The following FAM81A variants were observed in gnomAD, a reference collection of about 807,000 sequenced individuals.
FAM81A encodes family with sequence similarity 81 member A, also known as protein FAM81A.
A neutral mutation model predicts 46.7 loss-of-function variants in FAM81A; 19 were observed. The ratio of observed to expected loss-of-function variants is 0.41; its 90% CI spans 0.28 to 0.60. The LOEUF is 0.60. Among genes scored for constraint, FAM81A ranks in the 20% least tolerant of loss-of-function variants. The pLI, the probability that FAM81A is intolerant of heterozygous loss-of-function variation, is 0.34. For synonymous variants in FAM81A, 183 were observed against 152.9 expected, an observed-to-expected ratio of 1.20 and a Z score of -1.45; for missense variants, 377 against 453.5, an observed-to-expected ratio of 0.83 and a Z score of 1.53.
intron 3 of FAM81A, among the ~76,000 whole-genome samples, chr15:59,489,979 TACA>T (rs1426670815): frequency 1.3e-5 from 2 of 152,098 alleles, no homozygotes; most frequent in East Asian, 1.9e-4. Flanking sequence ...ACAGAATCTG[TACA>T]ACAACACATT....
chr15:59,452,817 A>T (rs1342379616), intron 1 of FAM81A, among the ~76,000 whole-genome samples: 1 of 152,220 alleles, frequency 6.6e-6, no homozygotes, highest in Non-Finnish European at 1.5e-5. Context: ...GCTGGAGTAC[A>T]GTGGCATGAT....
At chr15:59,421,987 C>T (rs1215594628) in intron 2 of FAM81A, among the ~76,000 whole-genome samples, 1 of 152,032 alleles carries the variant, frequency 6.6e-6, no homozygotes, top group Non-Finnish European at 1.5e-5. Flanking sequence ...AAAGAAAGTT[C>T]ATATGGCCAT....
At chr15:59,503,633 C>T (rs1370897973) in intron 4 of FAM81A, among the ~76,000 whole-genome samples, 3 of 151,840 alleles carry the variant, frequency 2.0e-5, no homozygotes, top group Middle Eastern at 3.4e-3. Context: ...AGTGCAATGG[C>T]GCAGTCTCAG....
At chr15:59,455,067 T>TC (rs1163665533) in intron 1 of FAM81A, among the ~76,000 whole-genome samples, 1 of 138,868 alleles carries the variant, frequency 7.2e-6, no homozygotes, top group East Asian at 2.0e-4. Flanking sequence ...CTGGCTAACT[T>TC]TTTTTTTTTT....
At chr15:59,494,991 C>G (rs553655281) in intron 4 of FAM81A, among the ~76,000 whole-genome samples, 1 of 152,070 alleles carries the variant, frequency 6.6e-6, no homozygotes, top group African/African-American at 2.4e-5. Flanking sequence ...CCTGAAGGCC[C>G]GATACATAGC....
At chr15:59,418,869 A>C (rs1264029674) in intron 2 of FAM81A, among the ~76,000 whole-genome samples, 1 of 152,192 alleles carries the variant, frequency 6.6e-6, no homozygotes, top group Non-Finnish European at 1.5e-5. Context: ...TAGCAAGGGC[A>C]TGTGTGCAGA....
At chr15:59,484,741 G>A (rs534657642) in intron 3 of FAM81A, among the ~76,000 whole-genome samples, 1 of 152,286 alleles carries the variant, frequency 6.6e-6, no homozygotes, top group Admixed American at 6.5e-5. Context: ...GAAAAGCAGA[G>A]GGAAAAGTAA....
chr15:59,444,230 C>G (rs2081331094), intron 1 of FAM81A: 1 of 152,164 alleles, frequency 6.6e-6, no homozygotes, highest in South Asian at 2.1e-4. Flanking sequence ...TAAGCAAGTG[C>G]ACAGAATAAC....
At chr15:59,479,685 G>C (rs1389988498) in intron 3 of FAM81A, among the ~76,000 whole-genome samples, 2 of 152,032 alleles carry the variant, frequency 1.3e-5, no homozygotes, top group Non-Finnish European at 2.9e-5. Flanking sequence ...AAGGCCATAA[G>C]TAGGAAGAGG....
At chr15:59,466,671 A>AG (rs1474189599) in intron 3 of FAM81A, among the ~76,000 whole-genome samples, 1 of 151,996 alleles carries the variant, frequency 6.6e-6, no homozygotes, top group African/African-American at 2.4e-5. Context: ...GTTCACTCTG[A>AG]TGGTAGTTTC....
In FAM81A at chr15:59,522,248, A is replaced by G. The variant is rs2141860255; in HGVS notation, c.*870A>G. 6.5e-6 allele frequency: 1 copy of G among 152,782 alleles called. No individual in the cohort carries two copies. Among genetic ancestry groups the G allele is most frequent in the East Asian group, 1.9e-4 (1 of 5,190 alleles). The allele number at this position is 152,782 out of a possible 1,614,324, so 9.5% of individuals were successfully genotyped here. Reference sequence around the variant, plus strand: ...GTTTCCAAAATTGGCACAAAGTGCTAGGGTTTATATACACTTATCGTAACT... The same window carrying G: ...GTTTCCAAAATTGGCACAAAGTGCTGGGGTTTATATACACTTATCGTAACT... On this transcript the variant is annotated 3_prime_UTR_variant, in exon 9 of 9. Transcript: ENST00000288228.
At chr15:59,449,312 A>G (rs1330744364) in intron 1 of FAM81A, among the ~76,000 whole-genome samples, 2 of 152,134 alleles carry the variant, frequency 1.3e-5, no homozygotes, top group Non-Finnish European at 2.9e-5. Context: ...TACAGTGAAA[A>G]ATTAAGTTTA....
intron 3 of FAM81A, among the ~76,000 whole-genome samples, chr15:59,488,272 A>T (rs2081943010): frequency 6.6e-6 from 1 of 152,206 alleles, no homozygotes; most frequent in African/African-American, 2.4e-5. Flanking sequence ...AACACATCTC[A>T]ACATAATAAA....
upstream of FAM81A, among the ~76,000 whole-genome samples, chr15:59,437,019 C>A (rs564599908): frequency 8.5e-5 from 13 of 152,340 alleles, no homozygotes; most frequent in East Asian, 2.5e-3. Context: ...ATACTGTTGG[C>A]TGAATGAATG....
At chr15:59,501,454 A>T (rs1167434939) in intron 4 of FAM81A, among the ~76,000 whole-genome samples, 1 of 152,150 alleles carries the variant, frequency 6.6e-6, no homozygotes, top group South Asian at 2.1e-4. Flanking sequence ...CCAGCTATAA[A>T]GGGCTTAATG....
intron 1 of FAM81A, chr15:59,446,393 A>G (rs917103963): frequency 5.3e-5 from 8 of 152,184 alleles, no homozygotes; most frequent in Admixed American, 1.3e-4. Flanking sequence ...CTGTCTGTAA[A>G]TCTGTCTGGA....
intron 4 of FAM81A, among the ~76,000 whole-genome samples, chr15:59,494,992 G>T (rs1470744438): frequency 1.3e-5 from 2 of 152,096 alleles, no homozygotes; most frequent in Non-Finnish European, 2.9e-5. Flanking sequence ...CTGAAGGCCC[G>T]ATACATAGCC....
upstream of FAM81A, among the ~76,000 whole-genome samples, chr15:59,435,229 G>A (rs1321436319): frequency 6.6e-6 from 1 of 152,160 alleles, no homozygotes; most frequent in Non-Finnish European, 1.5e-5. Flanking sequence ...AGAGGTTGCA[G>A]TGAGCCGAGA....
chr15:59,421,321 C>T lies in FAM81A; in HGVS notation c.-78+18963C>T, dbSNP rs72749147. Among the ~76,000 whole-genome samples the T allele has an allele frequency of 9.5e-4, 144 of 152,270 alleles. 2 individuals are homozygous for T. The highest frequency in any genetic ancestry group is 3.6e-3 in the Admixed American group (55 of 15,288). ...CTTGTGTGGGAGTAGATGTGGACCC[C>T]ATCACTGTAGGTCAGAAAGGTCCTT... On this transcript the variant is annotated intron_variant, in intron 2 of 4. Coordinates refer to the FAM81A transcript ENST00000558348.
Sources: allele counts gnomAD v4.1 joint callset (sites outside exome capture counted in the v4.1 genomes callset), GRCh38; gene constraint gnomAD v4.1.1; transcripts MANE v1.5; gene names NCBI Gene and HGNC (gene_info 2026-07-23, HGNC 2026-07-21).